The following GTPBP2 variants were observed in gnomAD, a reference collection of about 807,000 sequenced individuals.
The protein encoded by GTPBP2 is GTP-binding protein 2.
In GTPBP2, 32 loss-of-function variants were observed where a neutral mutation model predicts 63.0. The ratio of observed to expected loss-of-function variants is 0.51; its 90% CI spans 0.38 to 0.68. The LOEUF (loss-of-function observed/expected upper bound fraction) is 0.68. Among genes scored for constraint, GTPBP2 ranks in the 30% least tolerant of loss-of-function variants. GTPBP2 has a pLI of 0.00. For missense variants in GTPBP2, 492 were observed against 796.9 expected, an observed-to-expected ratio of 0.62 and a Z score of 4.61; for synonymous variants, 310 against 322.6, an observed-to-expected ratio of 0.96 and a Z score of 0.42.
chr6:43,625,270 A>G lies in GTPBP2; in HGVS notation c.705+93T>C. Reference sequence around the variant, plus strand: ...GGGCATTCATCTATACTATTTCAAAAAGTCTCCACACTCTACCCCCATCCT... The same window carrying G: ...GGGCATTCATCTATACTATTTCAAAGAGTCTCCACACTCTACCCCCATCCT... On this transcript the variant is annotated intron_variant, in intron 5 of 11. Transcript: ENST00000307126. The surrounding 1 kb of genome is among the most constrained non-coding windows in gnomAD (Gnocchi z 5.1). 1 of 1,257,612 alleles carries G rather than the reference A, an allele frequency of 8.0e-7. No individual in the cohort carries two copies. The highest frequency in any genetic ancestry group is 1.2e-6 in the Non-Finnish European group (1 of 865,170). 77.9% of individuals were successfully genotyped at this position (1,257,612 alleles called of 1,614,324 possible). A position where few individuals can be genotyped will look rare whatever the true frequency, so the allele number is the denominator to read the frequency against.
chr6:43,628,564 T>C (rs1769617739), intron 1 of GTPBP2: 1 of 984,042 alleles, frequency 1.0e-6, no homozygotes, highest in African/African-American at 1.8e-5. Context: ...AACATATTGC[T>C]CTTTTCCCGG....
chr6:43,625,735 C>T lies in GTPBP2; in HGVS notation c.507+21G>A. ...CCTTCCACAGTGTGGACATGAGAGACAGGGATGGGTGTGTGCTCACCTGTT... is the reference window on the plus strand; with the variant it reads ...CCTTCCACAGTGTGGACATGAGAGATAGGGATGGGTGTGTGCTCACCTGTT... On this transcript the variant is annotated intron_variant, in intron 4 of 11. Coordinates refer to ENST00000307126, the MANE Select transcript of GTPBP2 (RefSeq NM_019096.5). This position sits in a 1 kb window ranked among gnomAD's most constrained non-coding sequence, Gnocchi z 5.1. The T allele has an allele frequency of 6.4e-7, 1 of 1,566,262 alleles. No homozygotes were observed. The highest frequency in any genetic ancestry group is 8.8e-7 in the Non-Finnish European group (1 of 1,136,308).
At chr6:43,623,433 C>T (rs1325373104) in intron 9 of GTPBP2, 2 of 410,016 alleles carry the variant, frequency 4.9e-6, no homozygotes, top group Non-Finnish European at 8.8e-6. Flanking sequence ...TAAGTGACGT[C>T]TCTCATTTCC....
At position 43,629,210 on chromosome 6, in the gene GTPBP2, C is replaced by T. The variant is rs1008112735; in HGVS notation, c.-48G>A. 2.0e-5 allele frequency: 25 copies of T among 1,249,394 alleles called. No homozygotes were observed. The highest frequency in any genetic ancestry group is 2.2e-5 in the South Asian group (1 of 45,920). 77.4% of individuals were successfully genotyped at this position (1,249,394 alleles called of 1,614,324 possible). A position where few individuals can be genotyped will look rare whatever the true frequency, so the allele number is the denominator to read the frequency against. ...GCCCGGCCCCTCCCCCGACCGCCGC[C>T]GCCGTCGCCGCCGCCCTTACTGCCA... On this transcript the variant is annotated 5_prime_UTR_variant, in exon 1 of 12. Coordinates refer to ENST00000307126, the MANE Select transcript of GTPBP2 (RefSeq NM_019096.5).
chr6:43,627,478 A>T (rs1179440468), intron 1 of GTPBP2: 1 of 249,350 alleles, frequency 4.0e-6, no homozygotes, highest in Admixed American at 6.5e-5. Flanking sequence ...GACCGAGAAG[A>T]TCTAGGTGAG....
At chr6:43,623,713 A>C (rs1484287088) in intron 9 of GTPBP2, 24 bp downstream of exon 9, 6 of 1,571,314 alleles carry the variant, frequency 3.8e-6, no homozygotes, top group Non-Finnish European at 5.3e-6. Context: ...CTGAGTGGGG[A>C]GGGTAGCAAG....
intron 1 of GTPBP2, chr6:43,628,714 ACTT>A: frequency 1.4e-6 from 1 of 703,234 alleles, no homozygotes; most frequent in Middle Eastern, 2.4e-4. Flanking sequence ...CCCTTTCTCT[ACTT>A]CTCTCCTGGG....
At chr6:43,629,779 G>A, upstream of GTPBP2, 2 of 1,563,900 alleles carry the variant, frequency 1.3e-6, no homozygotes, top group South Asian at 2.4e-5. Flanking sequence ...GGTGAGTCAG[G>A]GCGAACGCCA....
intron 1 of GTPBP2, chr6:43,627,302 C>T: frequency 9.3e-7 from 1 of 1,073,890 alleles, no homozygotes; most frequent in Non-Finnish European, 1.1e-6. Context: ...AAGTCTATGT[C>T]TCCTCTGTGC....
chr6:43,624,608 C>T lies in GTPBP2; in HGVS notation c.1002G>A (p.Glu334=). The T allele has an allele frequency of 6.2e-7, 1 of 1,614,170 alleles. No individual in the cohort carries two copies. Among genetic ancestry groups the T allele is most frequent in the Admixed American group, 1.7e-5 (1 of 60,024 alleles). The part of the protein sequence containing the change: ...TTVERTVRQL[E]RVLKQPGCHK... ...GGCAGCCAGGCTGCTTGAGGACCCG[C>T]TCCAGCTGGCGTACTGTCCTCTCCA... Residue 334 remains glutamate, a synonymous_variant, in exon 7 of 12, where the codon GAG becomes GAA. Coordinates refer to ENST00000307126, the MANE Select transcript of GTPBP2 (RefSeq NM_019096.5). The surrounding 1 kb of genome is among the most constrained non-coding windows in gnomAD (Gnocchi z 5.1).
chr6:43,629,077 C>G lies in GTPBP2; in HGVS notation c.86G>C (p.Gly29Ala), dbSNP rs112851070. 0.054 allele frequency: 86,099 copies of G among 1,598,888 alleles called. 2,720 individuals carry two copies. Among genetic ancestry groups the G allele is most frequent in the Non-Finnish European group, 0.064 (74,919 of 1,173,016 alleles). Residue 29 changes from glycine (G) to alanine (A), a missense_variant, in exon 1 of 12, where the codon GGG (glycine) becomes GCG (alanine). By Grantham distance (60) the Gly-to-Ala change is moderately conservative. Transcript: ENST00000307126. ...PAVGGTLKAR[G>A]AGSSSGCGGP... Reference sequence around the variant, plus strand: ...CCCGCAGCCGCTGCTGCTGCCGGCCCCCCTAGCCTTGAGGGTTCCGCCCAC... The same window carrying G: ...CCCGCAGCCGCTGCTGCTGCCGGCCGCCCTAGCCTTGAGGGTTCCGCCCAC...
intron 11 of GTPBP2, 86 bp from the exon 12 acceptor site, chr6:43,621,876 A>G: frequency 6.2e-7 from 1 of 1,603,144 alleles, no homozygotes; most frequent in East Asian, 2.2e-5. Flanking sequence ...CCAGAGGCCT[A>G]TCAGGCCGCT....
At position 43,624,033 on chromosome 6, in the gene GTPBP2, C is replaced by G; in HGVS notation, c.1136G>C (p.Gly379Ala). ...GACTTTGAGGAGGTCCAGACTCTCT[C>G]CAGACACACTGGACAATGTGAAGAT... The part of the protein sequence containing the change: ...TPIFTLSSVS[G>A]ESLDLLKVFL... The change falls in exon 8 of 12, where the codon GGA becomes GCA. Residue 379 changes from glycine to alanine, a missense_variant. Physicochemically the swap from Gly to Ala is moderately conservative, Grantham distance 60. Coordinates refer to ENST00000307126, the MANE Select transcript of GTPBP2 (RefSeq NM_019096.5). The surrounding 1 kb of genome is among the most constrained non-coding windows in gnomAD (Gnocchi z 5.1). The G allele has an allele frequency of 1.2e-6, 2 of 1,613,380 alleles. No homozygotes were observed. The highest frequency in any genetic ancestry group is 1.7e-6 in the Non-Finnish European group (2 of 1,179,362).
At position 43,621,623 on chromosome 6, in the gene GTPBP2, C is replaced by A. The variant is rs1768724978; in HGVS notation, c.1800G>T (p.Met600Ile). 1 of 1,614,064 alleles carries A rather than the reference C, an allele frequency of 6.2e-7. No individual in the cohort carries two copies. The highest frequency in any genetic ancestry group is 1.3e-5 in the African/African-American group (1 of 74,932). ...TCCCTGCCTGAAGGGTTCAGAAGCC[C>A]ATGTTGGCCTGGGCTTCTCCTGCTG... ...AITAGEAQAN[M>I]GF Residue 600 changes from methionine to isoleucine, a missense_variant, in exon 12 of 12, where the codon ATG (methionine) becomes ATT (isoleucine). Physicochemically the swap from Met to Ile is conservative, Grantham distance 10. Around this residue, in one of 2 missense-constraint regions of GTPBP2, gnomAD observed 400 missense variants for 710.8 expected, o/e 0.56. Coordinates refer to ENST00000307126, the MANE Select transcript of GTPBP2 (RefSeq NM_019096.5).
chr6:43,623,410 G>A (rs1768981113), intron 9 of GTPBP2: 2 of 310,680 alleles, frequency 6.4e-6, no homozygotes, highest in Non-Finnish European at 1.2e-5. Context: ...AAGAAAGAAA[G>A]AAAGAAGAGT....
In GTPBP2 at chr6:43,626,901, T is replaced by C. The variant is rs1462752571; in HGVS notation, c.213+21A>G. The C allele has an allele frequency of 3.1e-6, 5 of 1,595,668 alleles. No individual in the cohort carries two copies. The highest frequency in any genetic ancestry group is 4.3e-6 in the Non-Finnish European group (5 of 1,168,722). ...AGGACAACCTACCCCAGCCCCTGCT[T>C]TTCCCCAGCCTAGGACTCACTTTAT... is the stretch of plus-strand genomic sequence containing the variant. On this transcript the variant is annotated intron_variant, in intron 2 of 11. Transcript: ENST00000307126. This position sits in a 1 kb window ranked among gnomAD's most constrained non-coding sequence, Gnocchi z 4.0.
chr6:43,626,868 C>A lies in GTPBP2; in HGVS notation c.213+54G>T. 7.5e-7 allele frequency: 1 copy of A among 1,340,362 alleles called. No homozygotes were observed. Among genetic ancestry groups the A allele is most frequent in the Non-Finnish European group, 1.0e-6 (1 of 956,738 alleles). The allele number at this position is 1,340,362 out of a possible 1,614,324, so 83.0% of individuals were successfully genotyped here. On this transcript the variant is annotated intron_variant, in intron 2 of 11. Transcript: ENST00000307126. The surrounding 1 kb of genome is among the most constrained non-coding windows in gnomAD (Gnocchi z 4.0). ...AAGAAAGAAAAAAGAAATTATCCCACACTGGCAAGGACAACCTACCCCAGC... is the reference window on the plus strand; with the variant it reads ...AAGAAAGAAAAAAGAAATTATCCCAAACTGGCAAGGACAACCTACCCCAGC...
chr6:43,621,657 T>C lies in GTPBP2; in HGVS notation c.1766A>G (p.Gln589Arg), dbSNP rs773631958. The part of the protein sequence containing the change: ...TKGIGHVTDV[Q>R]AITAGEAQAN... ...CTGGGCTTCTCCTGCTGTAATGGCT[T>C]GTACATCAGTGACATGGCCGATGCC... The change falls in exon 12 of 12, where the codon CAA (glutamine) becomes CGA (arginine). Residue 589 changes from glutamine to arginine, a missense_variant. Physicochemically the swap from Gln to Arg is conservative, Grantham distance 43. Coordinates refer to ENST00000307126, the MANE Select transcript of GTPBP2 (RefSeq NM_019096.5). The C allele has an allele frequency of 1.5e-5, 25 of 1,614,106 alleles. No homozygotes were observed. The highest frequency in any genetic ancestry group is 1.9e-5 in the Non-Finnish European group (22 of 1,180,054).
upstream of GTPBP2, chr6:43,629,667 G>A: frequency 1.4e-6 from 2 of 1,446,262 alleles, no homozygotes; most frequent in East Asian, 2.5e-5. Context: ...TAGACAACAG[G>A]TTTTGGACCT....
Sources: allele counts gnomAD v4.1 joint callset, GRCh38; gene constraint gnomAD v4.1.1; regional missense constraint gnomAD v4.1.1; non-coding constraint Gnocchi (gnomAD v3.1); transcripts MANE v1.5; gene names NCBI Gene and HGNC (gene_info 2026-07-23, HGNC 2026-07-21).